The following HEPHL1 variants were observed in gnomAD, a reference collection of about 807,000 sequenced individuals.
HEPHL1 encodes the protein ferroxidase HEPHL1.
In HEPHL1, 123 loss-of-function variants were observed where a neutral mutation model predicts 122.0. That is an observed-to-expected ratio of 1.01 (90% CI 0.87 to 1.17). The LOEUF (loss-of-function observed/expected upper bound fraction) is 1.17, where lower values mean the gene tolerates loss of function less well. Ranked by LOEUF, HEPHL1 falls within the 50% of genes most tolerant of loss-of-function variation. The pLI, the probability that HEPHL1 is intolerant of heterozygous loss-of-function variation, is 0.00. For missense variants in HEPHL1, 1,452 were observed against 1,430.5 expected (o/e 1.01, Z -0.24); for synonymous variants, 527 against 508.9 (o/e 1.04, Z -0.48).
intron 16 of HEPHL1, among the ~76,000 whole-genome samples, chr11:94,105,722 A>C (rs962456803): frequency 6.6e-6 from 1 of 152,180 alleles, no homozygotes; most frequent in African/African-American, 2.4e-5. Context: ...CTTCATAAAG[A>C]GATTATGCTG....
At chr11:94,091,561 T>C (rs1946263886) in intron 12 of HEPHL1, among the ~76,000 whole-genome samples, 1 of 152,162 alleles carries the variant, frequency 6.6e-6, no homozygotes, top group South Asian at 2.1e-4. Context: ...AATGTGCTGG[T>C]GAAACAGTAT....
intron 2 of HEPHL1, among the ~76,000 whole-genome samples, chr11:94,051,304 A>G (rs1741760497): frequency 6.6e-6 from 1 of 151,996 alleles, no homozygotes; most frequent in Non-Finnish European, 1.5e-5. Context: ...CCACATCCTC[A>G]CTAGCATTTT....
intron 1 of HEPHL1, among the ~76,000 whole-genome samples, chr11:94,042,527 A>G (rs1428481575): frequency 2.0e-5 from 3 of 150,170 alleles, no homozygotes; most frequent in African/African-American, 7.4e-5. Context: ...CATATACACC[A>G]TGGAATACTA....
intron 8 of HEPHL1, among the ~76,000 whole-genome samples, chr11:94,074,293 C>T (rs537351685): frequency 1.3e-5 from 2 of 152,140 alleles, no homozygotes; most frequent in East Asian, 1.9e-4. Context: ...AAAATGGCTG[C>T]GTGCAGTGGG....
At chr11:94,081,144 G>A (rs1201268114) in intron 9 of HEPHL1, among the ~76,000 whole-genome samples, 1 of 152,174 alleles carries the variant, frequency 6.6e-6, no homozygotes, top group Non-Finnish European at 1.5e-5. Flanking sequence ...GTCCTTTGCA[G>A]GGACATGGAT....
intron 1 of HEPHL1, among the ~76,000 whole-genome samples, chr11:94,029,099 G>T (rs1945650906): frequency 6.6e-6 from 1 of 152,144 alleles, no homozygotes; most frequent in Non-Finnish European, 1.5e-5. Flanking sequence ...AAAATGCTGG[G>T]ATTAGGCATG....
In HEPHL1 at chr11:94,086,069, A is replaced by G; in HGVS notation, c.1960A>G (p.Thr654Ala). 6.2e-7 allele frequency: 1 copy of G among 1,613,870 alleles called. No individual in the cohort carries two copies. The highest frequency in any genetic ancestry group is 8.5e-7 in the Non-Finnish European group (1 of 1,179,806). ...SWHLIGLGTD[T>A]DMHGIVFQGN... is the part of the protein sequence containing the mutation. Reference sequence around the variant, plus strand: ...GCATCTGATTGGATTGGGCACTGACACTGACATGCATGGAATTGTTTTTCA... The same window carrying G: ...GCATCTGATTGGATTGGGCACTGACGCTGACATGCATGGAATTGTTTTTCA... Residue 654 changes from threonine (T) to alanine (A), a missense_variant, in exon 11 of 20, where the codon ACT (threonine) becomes GCT (alanine). Physicochemically the swap from Thr to Ala is moderately conservative, Grantham distance 58. Transcript: ENST00000315765.
chr11:94,022,367 G>T (rs1408516610), intron 1 of HEPHL1, among the ~76,000 whole-genome samples: 1 of 152,152 alleles, frequency 6.6e-6, no homozygotes, highest in Non-Finnish European at 1.5e-5. Flanking sequence ...ACCTCTGTTG[G>T]ATATTTGAAT....
chr11:94,023,881 G>A (rs1433454478), intron 1 of HEPHL1, among the ~76,000 whole-genome samples: 1 of 152,138 alleles, frequency 6.6e-6, no homozygotes, highest in Non-Finnish European at 1.5e-5. Flanking sequence ...TGTGGTAGGT[G>A]GCTCAGACAA....
intron 1 of HEPHL1, among the ~76,000 whole-genome samples, chr11:94,034,396 A>G (rs1052005403): frequency 6.6e-6 from 1 of 152,190 alleles, no homozygotes; most frequent in Non-Finnish European, 1.5e-5. Flanking sequence ...TTGAAGTAGG[A>G]GCTGCTTTGA....
chr11:94,037,329 C>A (rs1031856519), intron 1 of HEPHL1, among the ~76,000 whole-genome samples: 6 of 151,606 alleles, frequency 4.0e-5, no homozygotes, highest in African/African-American at 1.5e-4. Context: ...CTTAGGTAAA[C>A]AAAGCAGCCA....
intron 1 of HEPHL1, among the ~76,000 whole-genome samples, chr11:94,032,943 T>C (rs1945689257): frequency 6.6e-6 from 1 of 152,018 alleles, no homozygotes; most frequent in African/African-American, 2.4e-5. Context: ...ACAGCTCCAG[T>C]AAACACACCG....
intron 1 of HEPHL1, among the ~76,000 whole-genome samples, chr11:94,039,547 AC>A (rs1463745452): frequency 1.9e-3 from 288 of 151,612 alleles, no homozygotes; most frequent in African/African-American, 6.5e-3. Flanking sequence ...CAATCAAACT[AC>A]AACTCAGGAT....
At position 94,073,361 on chromosome 11, in the gene HEPHL1, A is replaced by G; in HGVS notation, c.1426A>G (p.Lys476Glu). 3 of 1,596,308 alleles carry G rather than the reference A, an allele frequency of 1.9e-6. No homozygotes were observed. Among genetic ancestry groups the G allele is most frequent in the Non-Finnish European group, 2.6e-6 (3 of 1,170,660 alleles). ...GDTLLVTFAN[K>E]ADKVYSILPH... ...TACCCTGTTAGTGACCTTTGCCAACAAAGCCGACAAGGTCTATAGCATTTT... is the reference window on the plus strand; with the variant it reads ...TACCCTGTTAGTGACCTTTGCCAACGAAGCCGACAAGGTCTATAGCATTTT... Residue 476 changes from lysine (K) to glutamate (E), a missense_variant, in exon 8 of 20, where the codon AAA becomes GAA. Transcript: ENST00000315765.
At chr11:94,022,892 G>A (rs1272871161) in intron 1 of HEPHL1, among the ~76,000 whole-genome samples, 2 of 152,294 alleles carry the variant, frequency 1.3e-5, no homozygotes, top group Middle Eastern at 6.8e-3. Flanking sequence ...TAAGAATGTT[G>A]AAAGTGTGTA....
chr11:94,059,813 T>G (rs1019753662), intron 2 of HEPHL1, among the ~76,000 whole-genome samples: 1 of 151,954 alleles, frequency 6.6e-6, no homozygotes, highest in African/African-American at 2.4e-5. Context: ...CTTCAATAAC[T>G]CCTAATAATA....
chr11:94,079,964 C>G (rs1017083201), intron 9 of HEPHL1, among the ~76,000 whole-genome samples: 1 of 152,002 alleles, frequency 6.6e-6, no homozygotes, highest in African/African-American at 2.4e-5. Flanking sequence ...TCATATGGAA[C>G]CAAAAAGGAG....
intron 8 of HEPHL1, 88 bp from the exon 9 acceptor site, chr11:94,075,085 AG>A: frequency 9.1e-7 from 1 of 1,102,786 alleles, no homozygotes; most frequent in African/African-American, 1.6e-5. Flanking sequence ...TCATCATCAG[AG>A]GGAGGCACCC....
At chr11:94,111,088 C>A in intron 18 of HEPHL1, 23 bp downstream of exon 18, 4 of 1,541,560 alleles carry the variant, frequency 2.6e-6, no homozygotes, top group Non-Finnish European at 3.5e-6. Flanking sequence ...GTCAGTGATG[C>A]CAGATGATGG....
Sources: gnomAD v4.1 joint callset for allele counts (sites outside exome capture counted in the v4.1 genomes callset) on GRCh38, gnomAD v4.1.1 for gene constraint, MANE v1.5 for transcripts, NCBI Gene and HGNC (gene_info 2026-07-23, HGNC 2026-07-21) for gene names.